The following GBX1 variants were observed in gnomAD, a reference collection of about 807,000 sequenced individuals.
GBX1 encodes the protein homeobox protein GBX-1.
Under a neutral mutation model 22.9 loss-of-function variants are expected in GBX1, and 9 were observed. That is an observed-to-expected ratio of 0.39 (90% CI 0.24 to 0.69). The LOEUF (loss-of-function observed/expected upper bound fraction) is 0.69, where lower values mean the gene tolerates loss of function less well. Ranked by LOEUF, GBX1 falls within the 30% of genes least tolerant of loss-of-function variation. The pLI is 0.43. For synonymous variants in GBX1, 203 were observed against 227.3 expected (o/e 0.89, Z 0.96); for missense variants, 494 against 509.2 (o/e 0.97, Z 0.29).
chr7:151,149,199 G>A, intron 1 of GBX1, 57 bp from the exon 2 acceptor site: 1 of 1,521,076 alleles, frequency 6.6e-7, no homozygotes, highest in Non-Finnish European at 8.8e-7. Context: ...AAGAGAGTTT[G>A]GAGGAGGCCC....
At chr7:151,161,805 C>T (rs1013139203) in intron 1 of GBX1, among the ~76,000 whole-genome samples, 1 of 152,024 alleles carries the variant, frequency 6.6e-6, no homozygotes, top group Non-Finnish European at 1.5e-5. Context: ...CTAACAGATC[C>T]CCTGATGAAA....
At chr7:151,151,942 C>T (rs1237876883) in intron 1 of GBX1, among the ~76,000 whole-genome samples, 1 of 152,218 alleles carries the variant, frequency 6.6e-6, no homozygotes, top group African/African-American at 2.4e-5. Context: ...CTCCCCTGGT[C>T]ATCCTTTTAA....
intron 1 of GBX1, among the ~76,000 whole-genome samples, chr7:151,163,685 C>T (rs77200933): frequency 5.9e-5 from 9 of 152,046 alleles, no homozygotes; most frequent in Non-Finnish European, 1.2e-4. Flanking sequence ...TTTAATGTGG[C>T]TAATAAAAAA....
In GBX1 at chr7:151,148,500, T is replaced by C; in HGVS notation, c.*89A>G. 7.9e-7 allele frequency: 1 copy of C among 1,267,820 alleles called. No individual in the cohort carries two copies. 78.5% of individuals were successfully genotyped at this position (1,267,820 alleles called of 1,614,324 possible). On this transcript the variant is annotated 3_prime_UTR_variant, in exon 2 of 2. Coordinates refer to ENST00000297537, the MANE Select transcript of GBX1 (RefSeq NM_001098834.3). This position sits in a 1 kb window ranked among gnomAD's most constrained non-coding sequence, Gnocchi z 5.1. ...AGCCCCTCTCAAGGCAGAATCACAGTTGCAGCCCCTCTGGTCCACAGAACC... is the reference window on the plus strand; with the variant it reads ...AGCCCCTCTCAAGGCAGAATCACAGCTGCAGCCCCTCTGGTCCACAGAACC...
At chr7:151,157,537 C>A (rs1801148666) in intron 1 of GBX1, among the ~76,000 whole-genome samples, 1 of 152,168 alleles carries the variant, frequency 6.6e-6, no homozygotes. Flanking sequence ...AGTGGGGAAA[C>A]AAAGGATTTC....
intron 1 of GBX1, among the ~76,000 whole-genome samples, chr7:151,163,194 GCAC>G (rs1360307562): frequency 2.0e-5 from 3 of 151,532 alleles, no homozygotes; most frequent in Admixed American, 2.0e-4. Context: ...ATGCATATCT[GCAC>G]CACATCTTGC....
chr7:151,151,386 T>A (rs1364764309), intron 1 of GBX1, among the ~76,000 whole-genome samples: 5 of 152,182 alleles, frequency 3.3e-5, no homozygotes, highest in African/African-American at 1.2e-4. Context: ...CTTTCCCCTC[T>A]ATCTCACCCC....
chr7:151,159,820 TC>T (rs1462664171), intron 1 of GBX1, among the ~76,000 whole-genome samples: 3 of 152,220 alleles, frequency 2.0e-5, no homozygotes, highest in Admixed American at 6.5e-5. Context: ...TCCCAACTGA[TC>T]CCCAATCTAT....
intron 1 of GBX1, 116 bp from the exon 2 acceptor site, chr7:151,149,258 AAGAG>A: frequency 1.0e-6 from 1 of 975,998 alleles, no homozygotes. Flanking sequence ...AGCAGGAAAA[AAGAG>A]AGCCATGGAG....
chr7:151,150,658 C>T (rs1391075485), intron 1 of GBX1, among the ~76,000 whole-genome samples: 1 of 152,102 alleles, frequency 6.6e-6, no homozygotes, highest in Non-Finnish European at 1.5e-5. Context: ...TTCCCTTCCC[C>T]CTCACAGGTG....
chr7:151,149,759 CTCCCTCT>C (rs1414973150), intron 1 of GBX1: 1 of 365,440 alleles, frequency 2.7e-6, no homozygotes, highest in Non-Finnish European at 5.5e-6. Flanking sequence ...GTCTCCTCCT[CTCCCTCT>C]TCCCTAGATC....
At chr7:151,160,208 T>G (rs547889708) in intron 1 of GBX1, among the ~76,000 whole-genome samples, 1 of 152,330 alleles carries the variant, frequency 6.6e-6, no homozygotes, top group Admixed American at 6.5e-5. Flanking sequence ...CTAAGACACT[T>G]CCTTTGCTTA....
At chr7:151,166,482 C>T (rs1174561752) in intron 1 of GBX1, among the ~76,000 whole-genome samples, 2 of 125,058 alleles carry the variant, frequency 1.6e-5, no homozygotes, top group Non-Finnish European at 1.7e-5. Flanking sequence ...CAACCCCCCC[C>T]CCCCAACACA....
In GBX1 at chr7:151,148,695, C is replaced by G; in HGVS notation, c.986G>C (p.Gly329Ala). Residue 329 changes from glycine (G) to alanine (A), a missense_variant, in exon 2 of 2, where the codon GGG (glycine) becomes GCG (alanine). Transcript: ENST00000297537. This position sits in a 1 kb window ranked among gnomAD's most constrained non-coding sequence, Gnocchi z 5.1. ...AATCTTGGGGTTTCTTACGGGCTCC[C>G]CAGAACGGCTGCTCACATTGCCAGC... The part of the protein sequence containing the change: ...IKAGNVSSRS[G>A]EPVRNPKIVV... 6.2e-7 allele frequency: 1 copy of G among 1,614,142 alleles called. No homozygotes were observed. The highest frequency in any genetic ancestry group is 1.1e-5 in the South Asian group (1 of 91,076).
At chr7:151,164,776 C>CTTTTTTTT (rs71533521) in intron 1 of GBX1, among the ~76,000 whole-genome samples, 87 of 104,396 alleles carry the variant, frequency 8.3e-4, no homozygotes, top group Non-Finnish European at 1.1e-3. Flanking sequence ...AAATTTCCCT[C>CTTTTTTTT]TTTTTTTTTT....
intron 1 of GBX1, 102 bp downstream of exon 1, chr7:151,166,909 G>A: frequency 8.5e-7 from 1 of 1,181,498 alleles, no homozygotes; most frequent in East Asian, 2.4e-5. Context: ...GGACTTCAAG[G>A]CTCCAGGCAG....
intron 1 of GBX1, among the ~76,000 whole-genome samples, chr7:151,153,934 A>G (rs1340192876): frequency 2.6e-5 from 4 of 151,984 alleles, no homozygotes; most frequent in Non-Finnish European, 5.9e-5. Flanking sequence ...GGTAGATACA[A>G]TGTTCATAAA....
chr7:151,148,891 G>A lies in GBX1; in HGVS notation c.790C>T (p.Arg264Cys), dbSNP rs1801045008. 6.2e-7 allele frequency: 1 copy of A among 1,614,068 alleles called. No individual in the cohort carries two copies. Among genetic ancestry groups the A allele is most frequent in the Non-Finnish European group, 8.5e-7 (1 of 1,180,022 alleles). The change falls in exon 2 of 2, where the codon CGC becomes TGC. Residue 264 changes from arginine to cysteine, a missense_variant. By Grantham distance (180) the Arg-to-Cys change is radical. This residue lies in a region of GBX1 where 124 missense variants were observed against 152.0 expected (regional missense o/e 0.82). Coordinates refer to ENST00000297537, the MANE Select transcript of GBX1 (RefSeq NM_001098834.3). This position sits in a 1 kb window ranked among gnomAD's most constrained non-coding sequence, Gnocchi z 5.1. Reference sequence around the variant, plus strand: ...TGCTCGCTGGTAAATGCTGTGCGGCGCCGTCGGCTTTTCCCCCCAGGAGCT... The same window carrying A: ...TGCTCGCTGGTAAATGCTGTGCGGCACCGTCGGCTTTTCCCCCCAGGAGCT... ...VTAPGGKSRRRRTAFTSEQLL... is the reference protein window; with the variant it reads ...VTAPGGKSRRCRTAFTSEQLL...
At chr7:151,150,327 A>T (rs557015107) in intron 1 of GBX1, among the ~76,000 whole-genome samples, 1 of 152,228 alleles carries the variant, frequency 6.6e-6, no homozygotes, top group Admixed American at 6.5e-5. Context: ...AAAGACAATC[A>T]ATAGGCAGGA....
Sources: allele counts gnomAD v4.1 joint callset (sites outside exome capture counted in the v4.1 genomes callset), GRCh38; gene constraint gnomAD v4.1.1; regional missense constraint gnomAD v4.1.1; non-coding constraint Gnocchi (gnomAD v3.1); transcripts MANE v1.5; gene names NCBI Gene and HGNC (gene_info 2026-07-23, HGNC 2026-07-21).